LRP10: variants seen among roughly 807,000 people sequenced by gnomAD.
LRP10 encodes the protein low-density lipoprotein receptor-related protein 10.
LRP10 carries 42 observed loss-of-function variants against 58.5 expected under a neutral mutation model. The ratio of observed to expected loss-of-function variants is 0.72; its 90% confidence interval spans 0.56 to 0.93. The LOEUF is 0.93. LRP10 is among the 40% of genes least tolerant of loss of function. The pLI, the probability that LRP10 is intolerant of heterozygous loss-of-function variation, is 0.00. For synonymous variants in LRP10, 377 were observed against 388.5 expected, an observed-to-expected ratio of 0.97 and a Z score of 0.35; for missense variants, 872 against 940.1, an observed-to-expected ratio of 0.93 and a Z score of 0.95.
In LRP10 at chr14:22,872,313, G is replaced by A. The variant is rs756333260; in HGVS notation, c.10G>A (p.Ala4Thr). 2.5e-6 allele frequency: 4 copies of A among 1,613,924 alleles called. No homozygotes were observed. Among genetic ancestry groups the A allele is most frequent in the Non-Finnish European group, 3.4e-6 (4 of 1,179,926 alleles). The change falls in exon 1 of 7, where the codon GCC (alanine) becomes ACC (threonine). Residue 4 changes from alanine (A) to threonine (T), a missense_variant. Coordinates refer to ENST00000359591, the MANE Select transcript of LRP10 (RefSeq NM_014045.5). ...CTCTGGACAGCCCAGGATGCTGTTG[G>A]CCACCCTCCTCCTCCTCCTCCTTGG... Reference protein sequence around the residue: MLLATLLLLLLGGA... With the variant: MLLTTLLLLLLGGA...
At position 22,877,085 on chromosome 14, in the gene LRP10, C is replaced by T. The variant is rs752169696; in HGVS notation, c.1700C>T (p.Pro567Leu). The T allele has an allele frequency of 3.1e-6, 5 of 1,613,880 alleles. No homozygotes were observed. In the South Asian group the frequency reaches 4.4e-5, roughly 14 times the overall value. ...CGTCTCCGCCGCTGGGGCTTGCTCC[C>T]TCGAACCAACACCCCGGCTCGGGCC... ...VRRLRRWGLL[P>L]RTNTPARASE... The change falls in exon 7 of 7, where the codon CCT becomes CTT. Residue 567 changes from proline to leucine, a missense_variant. Pro to Leu is a moderately conservative substitution (Grantham distance 98, BLOSUM62 -3). Transcript: ENST00000359591. This position sits in a 1 kb window ranked among gnomAD's most constrained non-coding sequence, Gnocchi z 5.1.
chr14:22,875,223 C>T lies in LRP10; in HGVS notation c.384C>T (p.Gly128=). 8 of 1,602,272 alleles carry T rather than the reference C, an allele frequency of 5.0e-6. No homozygotes were observed. Among genetic ancestry groups the T allele is most frequent in the Non-Finnish European group, 6.0e-6 (7 of 1,173,314 alleles). ...GGGCCAGAGCACCCATGGGCCAGGG[C>T]TTCCTGCTCTCCTACAGCCAAGGTA... The part of the protein sequence containing the change: ...YAGARAPMGQ[G]FLLSYSQDWL... The change falls in exon 4 of 7, where the codon GGC becomes GGT. Residue 128 remains glycine (G), a synonymous_variant. Coordinates refer to ENST00000359591, the MANE Select transcript of LRP10 (RefSeq NM_014045.5).
At position 22,879,835 on chromosome 14, in the gene LRP10, C is replaced by G. The variant is rs118071449; in HGVS notation, c.*2308C>G. On this transcript the variant is annotated 3_prime_UTR_variant, in exon 7 of 7. Coordinates refer to ENST00000359591, the MANE Select transcript of LRP10 (RefSeq NM_014045.5). ...ACCTTGTACAGGCAGCATGGAGAAA[C>G]TAAGACAGAGTGTCCTGCCCAAGTG... The G allele has an allele frequency of 5.5e-3, 838 of 152,322 alleles. 1 individual carries two copies. Among genetic ancestry groups the G allele is most frequent in the Non-Finnish European group, 8.5e-3 (576 of 68,080 alleles). 9.4% of individuals were successfully genotyped at this position (152,322 alleles called of 1,614,324 possible). A position where few individuals can be genotyped will look rare whatever the true frequency, so the allele number is the denominator to read the frequency against.
intron 3 of LRP10, among the ~76,000 whole-genome samples, chr14:22,874,373 TCTGGTTAATTGAA>T (rs1406795006): frequency 6.6e-6 from 1 of 152,166 alleles, no homozygotes. Flanking sequence ...GATGGTGAGT[TCTGGTTAATTGAA>T]CTGTATGGTA....
At position 22,877,139 on chromosome 14, in the gene LRP10, C is replaced by T. The variant is rs1230530504; in HGVS notation, c.1754C>T (p.Ser585Phe). Residue 585 changes from serine to phenylalanine, a missense_variant, in exon 7 of 7, where the codon TCT (serine) becomes TTT (phenylalanine). By Grantham distance (155) the Ser-to-Phe change is radical. Transcript: ENST00000359591. This position sits in a 1 kb window ranked among gnomAD's most constrained non-coding sequence, Gnocchi z 5.1. Reference sequence around the variant, plus strand: ...GAGGCCAGATCCCAGGTCACACCTTCTGCTGCTCCCCTTGAGGCCCTAGAT... The same window carrying T: ...GAGGCCAGATCCCAGGTCACACCTTTTGCTGCTCCCCTTGAGGCCCTAGAT... ...ASEARSQVTP[S>F]AAPLEALDGG... 1 of 1,610,222 alleles carries T rather than the reference C, an allele frequency of 6.2e-7. No homozygotes were observed. The highest frequency in any genetic ancestry group is 1.3e-5 in the African/African-American group (1 of 74,862).
chr14:22,877,371 G>A lies in LRP10; in HGVS notation c.1986G>A (p.Leu662=), dbSNP rs1007594885. Residue 662 remains leucine, a synonymous_variant, in exon 7 of 7, where the codon CTG becomes CTA. Coordinates refer to ENST00000359591, the MANE Select transcript of LRP10 (RefSeq NM_014045.5). This position sits in a 1 kb window ranked among gnomAD's most constrained non-coding sequence, Gnocchi z 5.1. The stretch of plus-strand genomic sequence containing the variant: ...TGGTGCAGGCCCTGCGAGGCCGCCT[G>A]TTGCCCAGCCTGGGGCCCCCAGGAC... ...SGVVQALRGR[L]LPSLGPPGPT... is the part of the protein sequence containing the mutation. 3.7e-6 allele frequency: 6 copies of A among 1,613,682 alleles called. No homozygotes were observed. Among genetic ancestry groups the A allele is most frequent in the Middle Eastern group, 1.6e-4 (1 of 6,062 alleles).
At chr14:22,872,473 C>T (rs998210054) in intron 1 of LRP10, 136 bp downstream of exon 1, 10 of 1,029,416 alleles carry the variant, frequency 9.7e-6, no homozygotes, top group South Asian at 1.5e-5. Context: ...GCACTGCCGG[C>T]CCCAACCCCC....
rs531111988 is a variant in LRP10, at chr14:22,873,168, T to G, written c.80-143T>G. The G allele has an allele frequency of 5.0e-5, 48 of 964,870 alleles. 1 individual carries two copies. The South Asian group carries it at 7.8e-4, about 16-fold the overall frequency. The allele number at this position is 964,870 out of a possible 1,614,324, so 59.8% of individuals were successfully genotyped here. A position where few individuals can be genotyped will look rare whatever the true frequency, so the allele number is the denominator to read the frequency against. ...GAGCGAAGCTAGAAGGCTGTAACTC[T>G]AGGCTGTGTGTGGGCAGGGGCAGAT... On this transcript the variant is annotated intron_variant, in intron 2 of 6. Coordinates refer to ENST00000359591, the MANE Select transcript of LRP10 (RefSeq NM_014045.5).
chr14:22,874,208 C>T (rs1481092722), intron 3 of LRP10, among the ~76,000 whole-genome samples: 1 of 152,212 alleles, frequency 6.6e-6, no homozygotes, highest in Non-Finnish European at 1.5e-5. Flanking sequence ...AAGTACCTGG[C>T]TGTTTGCCTC....
At chr14:22,872,491 C>G (rs2039965821) in intron 1 of LRP10, among the ~76,000 whole-genome samples, 154 bp downstream of exon 1, 1 of 150,672 alleles carries the variant, frequency 6.6e-6, no homozygotes, top group Non-Finnish European at 1.5e-5. Flanking sequence ...CCCAGGAAGT[C>G]TTCAGCTGCT....
rs541850493 is a variant in LRP10, at chr14:22,875,885, A to G, written c.937A>G (p.Arg313Gly). Residue 313 changes from arginine (R) to glycine (G), a missense_variant, in exon 5 of 7, where the codon AGA becomes GGA. By Grantham distance (125) the Arg-to-Gly change is moderately radical (BLOSUM62 -2). Coordinates refer to ENST00000359591, the MANE Select transcript of LRP10 (RefSeq NM_014045.5). ...HVRGYCLPWD[R>G]PCGLGSGLGA... The stretch of plus-strand genomic sequence containing the variant: ...GCGGGGCTATTGCTTGCCTTGGGAC[A>G]GACCCTGTGGCTTAGGCTCTGGCCT... The G allele has an allele frequency of 1.2e-6, 2 of 1,613,490 alleles. No homozygotes were observed. The highest frequency in any genetic ancestry group is 2.2e-5 in the East Asian group (1 of 44,870).
Position 22,879,395 on chromosome 14 carries a change from C to T in LRP10, c.*1868C>T, listed in dbSNP as rs1241037239. ...CCCTCCTTCCCAAACGCAAACAATCCAGGATCCACTCAGCGTCAGGCCCAA... is the reference window on the plus strand; with the variant it reads ...CCCTCCTTCCCAAACGCAAACAATCTAGGATCCACTCAGCGTCAGGCCCAA... On this transcript the variant is annotated 3_prime_UTR_variant, in exon 7 of 7. Coordinates refer to ENST00000359591, the MANE Select transcript of LRP10 (RefSeq NM_014045.5). 3.2e-6 allele frequency: 1 copy of T among 309,950 alleles called. No homozygotes were observed. The highest frequency in any genetic ancestry group is 6.8e-6 in the Non-Finnish European group (1 of 147,762). 19.2% of individuals were successfully genotyped at this position (309,950 alleles called of 1,614,324 possible).
rs2040031584 is a variant in LRP10, at chr14:22,878,565, G to A, written c.*1038G>A. 1 of 153,470 alleles carries A rather than the reference G, an allele frequency of 6.5e-6. No homozygotes were observed. The highest frequency in any genetic ancestry group is 1.5e-5 in the Non-Finnish European group (1 of 68,846). 9.5% of individuals were successfully genotyped at this position (153,470 alleles called of 1,614,324 possible). On this transcript the variant is annotated 3_prime_UTR_variant, in exon 7 of 7. Transcript: ENST00000359591. ...TCTCAGCCAGGATACCTCAAGGCAG[G>A]CAAAGGTGAGTGGAGGGAGAATTCA...
intron 5 of LRP10, 49 bp downstream of exon 5, chr14:22,876,421 G>A: frequency 1.3e-6 from 2 of 1,594,410 alleles, no homozygotes; most frequent in Non-Finnish European, 8.6e-7. Flanking sequence ...TGAGGGTGAG[G>A]CTGGGCTGTG....
Position 22,876,783 on chromosome 14 carries a change from C to T in LRP10, c.1519C>T (p.Pro507Ser). The T allele has an allele frequency of 6.2e-7, 1 of 1,613,906 alleles. No individual in the cohort carries two copies. Among genetic ancestry groups the T allele is most frequent in the Non-Finnish European group, 8.5e-7 (1 of 1,179,886 alleles). ...GQLIAQGAIP[P>S]VEDFPTENPN... ...GCTCATTGCCCAGGGTGCCATCCCA[C>T]CTGTAGAAGACTTTCCTACAGAGAA... The change falls in exon 6 of 7, where the codon CCT becomes TCT. Residue 507 changes from proline to serine, a missense_variant. By Grantham distance (74) the Pro-to-Ser change is moderately conservative. Transcript: ENST00000359591.
Position 22,877,320 on chromosome 14 carries a change from C to G in LRP10, c.1935C>G (p.Pro645=), listed in dbSNP as rs748235175. The change falls in exon 7 of 7, where the codon CCC becomes CCG. Residue 645 remains proline, a synonymous_variant. Transcript: ENST00000359591. The surrounding 1 kb of genome is among the most constrained non-coding windows in gnomAD (Gnocchi z 5.1). ...CCCCAGGGCCACTGCCCTCACTGCC[C>G]CTAGAGCCATCACTATTGTCTGGAG... ...PEAPGPLPSL[P]LEPSLLSGVV... is the part of the protein sequence containing the mutation. The G allele has an allele frequency of 4.7e-5, 76 of 1,612,156 alleles. No homozygotes were observed. Among genetic ancestry groups the G allele is most frequent in the Non-Finnish European group, 6.1e-5 (72 of 1,179,076 alleles).
Position 22,876,309 on chromosome 14 carries a change from T to C in LRP10, c.1361T>C (p.Leu454Pro). The C allele has an allele frequency of 6.2e-7, 1 of 1,614,118 alleles. No homozygotes were observed. The highest frequency in any genetic ancestry group is 8.5e-7 in the Non-Finnish European group (1 of 1,180,050). The change falls in exon 5 of 7, where the codon CTG (leucine) becomes CCG (proline). Residue 454 changes from leucine (L) to proline (P), a missense_variant. By Grantham distance (98) the Leu-to-Pro change is moderately conservative (BLOSUM62 -3). Transcript: ENST00000359591. Reference protein sequence around the residue: ...AAVIGSLVCGLLLVIALGCTC... With the variant: ...AAVIGSLVCGPLLVIALGCTC... ...GTCATTGGCAGCCTAGTGTGCGGCC[T>C]GCTCCTGGTCATCGCCCTGGGCTGC...
At position 22,875,595 on chromosome 14, in the gene LRP10, A is replaced by G. The variant is rs773548778; in HGVS notation, c.647A>G (p.His216Arg). The G allele has an allele frequency of 2.5e-6, 4 of 1,613,292 alleles. No homozygotes were observed. Among genetic ancestry groups the G allele is most frequent in the South Asian group, 1.1e-5 (1 of 91,050 alleles). Residue 216 changes from histidine (H) to arginine (R), a missense_variant, in exon 5 of 7, where the codon CAC becomes CGC. Transcript: ENST00000359591. ...PGYTHLASVS[H>R]PQSCHWLLDP... Reference sequence around the variant, plus strand: ...TATACACACCTAGCCTCAGTCTCCCACCCCCAGTCCTGCCATTGGCTGCTG... The same window carrying G: ...TATACACACCTAGCCTCAGTCTCCCGCCCCCAGTCCTGCCATTGGCTGCTG...
intron 1 of LRP10, 137 bp from the exon 2 acceptor site, chr14:22,872,601 C>CA (rs2039966941): frequency 1.2e-6 from 1 of 835,252 alleles, no homozygotes; most frequent in Non-Finnish European, 1.9e-6. Context: ...TCCCACGCCG[C>CA]AGCCCTCTCC....
Sources: allele counts gnomAD v4.1 joint callset (sites outside exome capture counted in the v4.1 genomes callset), GRCh38; gene constraint gnomAD v4.1.1; non-coding constraint Gnocchi (gnomAD v3.1); transcripts MANE v1.5; gene names NCBI Gene and HGNC (gene_info 2026-07-23, HGNC 2026-07-21).